The following PPP3CB variants were observed in gnomAD, a reference collection of about 807,000 sequenced individuals.
PPP3CB encodes the protein serine/threonine-protein phosphatase 2B catalytic subunit beta isoform.
Under a neutral mutation model 66.4 loss-of-function variants are expected in PPP3CB, and 8 were observed. The ratio of observed to expected loss-of-function variants is 0.12; its 90% CI spans 0.07 to 0.22. PPP3CB has a LOEUF of 0.22. Ranked by LOEUF, PPP3CB falls within the 10% of genes least tolerant of loss-of-function variation. The pLI, the probability that PPP3CB is intolerant of heterozygous loss-of-function variation, is 1.00. For missense variants in PPP3CB, 319 were observed against 642.5 expected, an observed-to-expected ratio of 0.50 and a Z score of 5.44; for synonymous variants, 208 against 221.2, an observed-to-expected ratio of 0.94 and a Z score of 0.53.
chr10:73,443,335 A>AAAAAGAAAGAG (rs2056193580), intron 12 of PPP3CB, among the ~76,000 whole-genome samples: 3 of 151,248 alleles, frequency 2.0e-5, no homozygotes, highest in Admixed American at 1.3e-4. Flanking sequence ...AAAGAAAAAG[A>AAAAAGAAAGAG]AAGAGAAGAG....
At position 73,471,467 on chromosome 10, in the gene PPP3CB, C is replaced by T; in HGVS notation, c.669+1G>A. 6.3e-7 allele frequency: 1 copy of T among 1,593,790 alleles called. No homozygotes were observed. Among genetic ancestry groups the T allele is most frequent in the Non-Finnish European group, 8.5e-7 (1 of 1,173,008 alleles). On this transcript the variant is annotated splice_donor_variant, in intron 5 of 13. Coordinates refer to ENST00000360663, the MANE Select transcript of PPP3CB (RefSeq NM_021132.4). LOFTEE classifies it high-confidence loss of function. The stretch of plus-strand genomic sequence containing the variant: ...ATCTCGGAAGTAAAATATATACTTA[C>T]TCTCCTAATATCATCCAGTGTGTGT...
At chr10:73,450,345 G>C (rs563658525) in intron 10 of PPP3CB, among the ~76,000 whole-genome samples, 6 of 152,308 alleles carry the variant, frequency 3.9e-5, no homozygotes, top group African/African-American at 1.2e-4. Context: ...AGAAAAGATG[G>C]AGGGAGTTAG....
At chr10:73,476,397 ACCTGAGGC>A (rs2056789556) in intron 3 of PPP3CB, among the ~76,000 whole-genome samples, 9 of 152,146 alleles carry the variant, frequency 5.9e-5, no homozygotes. Flanking sequence ...CAGGCAGATC[ACCTGAGGC>A]CAGGAGTTCG....
chr10:73,492,108 T>C (rs1289126113), intron 1 of PPP3CB, among the ~76,000 whole-genome samples: 3 of 152,190 alleles, frequency 2.0e-5, no homozygotes, highest in Non-Finnish European at 2.9e-5. Context: ...ATTCTAACGT[T>C]GTCAATCAGA....
At chr10:73,451,810 A>G (rs924390825) in intron 10 of PPP3CB, among the ~76,000 whole-genome samples, 9 of 143,370 alleles carry the variant, frequency 6.3e-5, no homozygotes, top group Middle Eastern at 3.7e-3. Flanking sequence ...CAGTGGTGCG[A>G]TCTCGACTCA....
chr10:73,472,002 A>G (rs1033780523), intron 4 of PPP3CB, among the ~76,000 whole-genome samples: 3 of 152,158 alleles, frequency 2.0e-5, no homozygotes, highest in Admixed American at 6.6e-5. Flanking sequence ...ACTGCACACA[A>G]TTTTTTTAAG....
intron 10 of PPP3CB, among the ~76,000 whole-genome samples, chr10:73,453,872 T>C (rs2056383249): frequency 6.6e-6 from 1 of 152,202 alleles, no homozygotes; most frequent in Non-Finnish European, 1.5e-5. Flanking sequence ...TACATAGGCT[T>C]GTTGGCTTAC....
chr10:73,462,885 G>C (rs2056547017), intron 9 of PPP3CB, among the ~76,000 whole-genome samples: 1 of 128,448 alleles, frequency 7.8e-6, no homozygotes, highest in Admixed American at 9.6e-5. Flanking sequence ...GGGAAATGGA[G>C]ATTGCAGTGA....
chr10:73,457,337 C>T (rs1414139086), intron 9 of PPP3CB, among the ~76,000 whole-genome samples: 1 of 146,650 alleles, frequency 6.8e-6, no homozygotes, highest in African/African-American at 2.5e-5. Flanking sequence ...CTTGGAAGGC[C>T]ATGCGGTAAG....
chr10:73,475,039 G>A lies in PPP3CB; in HGVS notation c.412-9C>T. The A allele has an allele frequency of 6.2e-7, 1 of 1,604,412 alleles. No individual in the cohort carries two copies. Among genetic ancestry groups the A allele is most frequent in the Non-Finnish European group, 8.5e-7 (1 of 1,177,186 alleles). On this transcript the variant is annotated splice_polypyrimidine_tract_variant and intron_variant, in intron 3 of 13. Transcript: ENST00000360663. ...CATAAATATAAGACACACTGCAAAA[G>A]AAAATTTTTCTAGTGAATTTATCTT...
intron 3 of PPP3CB, chr10:73,477,286 T>A (rs755969176): frequency 2.0e-6 from 1 of 507,432 alleles, no homozygotes; most frequent in South Asian, 1.4e-5. Flanking sequence ...CTCTAGGAAT[T>A]TGTCCTACAA....
At chr10:73,487,841 G>A (rs185385753) in intron 1 of PPP3CB, among the ~76,000 whole-genome samples, 42 of 150,252 alleles carry the variant, frequency 2.8e-4, no homozygotes, top group Admixed American at 5.3e-4. Context: ...GTGCAATGGT[G>A]AGATCTCAGC....
chr10:73,442,883 A>G (rs923898767), intron 12 of PPP3CB, among the ~76,000 whole-genome samples: 6 of 152,000 alleles, frequency 3.9e-5, no homozygotes, highest in Admixed American at 3.9e-4. Context: ...TACAGGAAAA[A>G]AATTTTTTTT....
chr10:73,487,622 GAATT>G (rs1308362621), intron 1 of PPP3CB, among the ~76,000 whole-genome samples: 4 of 136,778 alleles, frequency 2.9e-5, no homozygotes, highest in Non-Finnish European at 4.7e-5. Flanking sequence ...AATGTTTACA[GAATT>G]AATGATTATA....
At chr10:73,488,861 T>A (rs902104818) in intron 1 of PPP3CB, among the ~76,000 whole-genome samples, 6 of 152,176 alleles carry the variant, frequency 3.9e-5, no homozygotes, top group African/African-American at 1.4e-4. Flanking sequence ...CAAATTCAAT[T>A]TTCTTAAATC....
intron 1 of PPP3CB, among the ~76,000 whole-genome samples, chr10:73,485,321 T>C (rs562863138): frequency 3.9e-5 from 6 of 152,248 alleles, no homozygotes; most frequent in African/African-American, 1.2e-4. Flanking sequence ...CACAGACTGA[T>C]CAGGAATTGG....
At chr10:73,476,618 AT>A in intron 3 of PPP3CB, among the ~76,000 whole-genome samples, 1 of 147,690 alleles carries the variant, frequency 6.8e-6, no homozygotes. Context: ...GTCCATCTCA[AT>A]TAAAAAAAAA....
At chr10:73,471,677 A>G in intron 4 of PPP3CB, 64 bp from the exon 5 acceptor site, 8 of 1,283,192 alleles carry the variant, frequency 6.2e-6, no homozygotes, top group Non-Finnish European at 8.6e-6. Context: ...TTTTAAAAAC[A>G]TATATATTAG....
intron 1 of PPP3CB, among the ~76,000 whole-genome samples, chr10:73,480,484 G>A (rs927371053): frequency 3.7e-5 from 5 of 133,750 alleles, no homozygotes; most frequent in East Asian, 4.4e-4. Context: ...TTGTTCTGTC[G>A]CCCAGGCTGG....
Sources: allele counts gnomAD v4.1 joint callset (sites outside exome capture counted in the v4.1 genomes callset), GRCh38; gene constraint gnomAD v4.1.1; transcripts MANE v1.5; gene names NCBI Gene and HGNC (gene_info 2026-07-23, HGNC 2026-07-21).